Variants in GABBR2 observed in about 807,000 individuals in gnomAD.
GABBR2 encodes the protein G-protein coupled receptor 51.
A neutral mutation model predicts 105.6 loss-of-function variants in GABBR2; 23 were observed. The observed-to-expected ratio is 0.22, with a 90% CI of 0.16 to 0.31. GABBR2 has a LOEUF of 0.31. Among genes scored for constraint, GABBR2 ranks in the 10% least tolerant of loss-of-function variants. The probability of loss-of-function intolerance (pLI) is 1.00; values close to 1 mark genes in which losing one functional copy is unlikely to be tolerated. For missense variants in GABBR2, 734 were observed against 1,245.5 expected, an observed-to-expected ratio of 0.59 and a Z score of 6.18; for synonymous variants, 478 against 499.7, an observed-to-expected ratio of 0.96 and a Z score of 0.58.
At chr9:98,468,983 G>C (rs1375356089) in intron 6 of GABBR2, among the ~76,000 whole-genome samples, 1 of 152,184 alleles carries the variant, frequency 6.6e-6, no homozygotes, top group Non-Finnish European at 1.5e-5. Flanking sequence ...CTACCTGCTG[G>C]ATGATTGTAT....
intron 1 of GABBR2, among the ~76,000 whole-genome samples, chr9:98,580,928 C>T (rs1201837237): frequency 1.3e-5 from 2 of 152,050 alleles, no homozygotes; most frequent in East Asian, 3.9e-4. Flanking sequence ...TCCACCTTCC[C>T]CTTAAGTGAC....
At chr9:98,703,580 C>T (rs963993623) in intron 1 of GABBR2, among the ~76,000 whole-genome samples, 1 of 152,066 alleles carries the variant, frequency 6.6e-6, no homozygotes, top group Admixed American at 6.5e-5. Flanking sequence ...GTAGCCTTTA[C>T]CTCCTAGGCT....
At chr9:98,542,305 A>T (rs1007049595) in intron 2 of GABBR2, among the ~76,000 whole-genome samples, 1 of 152,228 alleles carries the variant, frequency 6.6e-6, no homozygotes, top group African/African-American at 2.4e-5. Context: ...GTTATCGTCT[A>T]TTCCTTCCCA....
chr9:98,605,891 G>A (rs753095996), intron 1 of GABBR2, among the ~76,000 whole-genome samples: 54 of 152,038 alleles, frequency 3.6e-4, no homozygotes, highest in Non-Finnish European at 6.2e-4. Flanking sequence ...CGTCATTTAC[G>A]TTAGGTATAT....
At chr9:98,521,682 G>T (rs1827869245) in intron 3 of GABBR2, among the ~76,000 whole-genome samples, 2 of 152,106 alleles carry the variant, frequency 1.3e-5, no homozygotes, top group Admixed American at 1.3e-4. Flanking sequence ...TAATCCCTTG[G>T]CTGCTTGTCC....
chr9:98,430,288 C>CAAAAAAAAAAAAAAAAAAAAA, intron 7 of GABBR2, among the ~76,000 whole-genome samples: 1 of 88,976 alleles, frequency 1.1e-5, no homozygotes, highest in Non-Finnish European at 2.2e-5. Context: ...GACTCCGTCT[C>CAAAAAAAAAAAAAAAAAAAAA]AAAAAAAAAA....
At chr9:98,303,097 T>G (rs1446753574) in intron 16 of GABBR2, 144 bp downstream of exon 16, 2 of 605,718 alleles carry the variant, frequency 3.3e-6, no homozygotes, top group Non-Finnish European at 5.8e-6. Flanking sequence ...ATGTCACCCC[T>G]GGCTCTCGCA....
At chr9:98,370,674 A>AATAGTTACT (rs1831762831) in intron 12 of GABBR2, among the ~76,000 whole-genome samples, 1 of 152,208 alleles carries the variant, frequency 6.6e-6, no homozygotes, top group Non-Finnish European at 1.5e-5. Flanking sequence ...TACATATTAT[A>AATAGTTACT]ATAGTTACTA....
rs573544954 is a variant in GABBR2 at position 98,498,952 on chromosome 9, G to A, written c.631-2438C>T. On this transcript the variant is annotated intron_variant, in intron 3 of 18. Transcript: ENST00000259455. ...GCTCAATGCGTGAGCTCCTGGAAAC[G>A]CACAGTCTAGCCTTGGCTCTCCACT... Among the ~76,000 whole-genome samples, 17 of 152,312 alleles carry A rather than the reference G, an allele frequency of 1.1e-4. No individual in the cohort carries two copies. In the South Asian group the frequency reaches 2.1e-3, roughly 19 times the overall value.
rs117873935 is a variant in GABBR2 at position 98,524,630 on chromosome 9, C to T, written c.630+17243G>A. Among the ~76,000 whole-genome samples the T allele has an allele frequency of 1.3e-3, 196 of 152,244 alleles. 3 individuals are homozygous for T. In the East Asian group the frequency reaches 0.031, roughly 24 times the overall value. Reference sequence around the variant, plus strand: ...CAGTTGCTCAGATCAAAAACTTTGGCGCCATCTTTGATGCCTCACTGTTTA... The same window carrying T: ...CAGTTGCTCAGATCAAAAACTTTGGTGCCATCTTTGATGCCTCACTGTTTA... On this transcript the variant is annotated intron_variant, in intron 3 of 18. Coordinates refer to ENST00000259455, the MANE Select transcript of GABBR2 (RefSeq NM_005458.8).
intron 1 of GABBR2, among the ~76,000 whole-genome samples, chr9:98,583,507 A>G (rs182219714): frequency 1.1e-4 from 17 of 152,360 alleles, no homozygotes; most frequent in African/African-American, 1.9e-4. Context: ...AGCAGGCTTC[A>G]TTGCTAGCAG....
chr9:98,398,398 C>T (rs540764045), intron 8 of GABBR2, among the ~76,000 whole-genome samples: 36 of 151,718 alleles, frequency 2.4e-4, no homozygotes, highest in African/African-American at 8.8e-4. Flanking sequence ...GCTGGCTTTG[C>T]GGTCACTCTG....
At chr9:98,352,764 G>A (rs764972154) in intron 13 of GABBR2, among the ~76,000 whole-genome samples, 20 of 152,090 alleles carry the variant, frequency 1.3e-4, no homozygotes, top group Non-Finnish European at 5.9e-5. Context: ...TAGCCTTCCT[G>A]GTGTGGTACA....
chr9:98,571,636 C>T (rs1490816330), intron 2 of GABBR2, among the ~76,000 whole-genome samples: 1 of 152,146 alleles, frequency 6.6e-6, no homozygotes, highest in Admixed American at 6.5e-5. Context: ...CAAGAACCCC[C>T]GTAAGTGACT....
intron 1 of GABBR2, among the ~76,000 whole-genome samples, chr9:98,619,389 A>G (rs919411788): frequency 1.3e-5 from 2 of 152,238 alleles, no homozygotes; most frequent in African/African-American, 4.8e-5. Context: ...AAGATCATTA[A>G]GTACAGCCCA....
chr9:98,423,119 A>G (rs1486446112), intron 7 of GABBR2, among the ~76,000 whole-genome samples: 3 of 152,178 alleles, frequency 2.0e-5, no homozygotes, highest in Non-Finnish European at 4.4e-5. Context: ...TCCTTTGGGT[A>G]TATACCCAGT....
intron 1 of GABBR2, among the ~76,000 whole-genome samples, chr9:98,670,970 T>C (rs1830399625): frequency 6.6e-6 from 1 of 152,174 alleles, no homozygotes; most frequent in Non-Finnish European, 1.5e-5. Context: ...ACACTTAAAA[T>C]GGCTAAGAAG....
chr9:98,386,476 C>T (rs996007680), intron 10 of GABBR2, among the ~76,000 whole-genome samples: 6 of 152,144 alleles, frequency 3.9e-5, no homozygotes, highest in Admixed American at 2.0e-4. Context: ...CACCAGAGTC[C>T]GCAACCCACC....
chr9:98,480,737 G>A (rs1826903061), intron 5 of GABBR2, among the ~76,000 whole-genome samples, 195 bp downstream of exon 5: 1 of 152,096 alleles, frequency 6.6e-6, no homozygotes, highest in Non-Finnish European at 1.5e-5. Flanking sequence ...GTTCCTCGAT[G>A]ATGGTATTGT....
Sources: allele counts gnomAD v4.1 joint callset (sites outside exome capture counted in the v4.1 genomes callset), GRCh38; gene constraint gnomAD v4.1.1; transcripts MANE v1.5; gene names NCBI Gene and HGNC (gene_info 2026-07-23, HGNC 2026-07-21).